SORBS2: variants seen among roughly 807,000 people sequenced by gnomAD.
The protein encoded by SORBS2 is sorbin and SH3 domain containing 2, also known as sorbin and SH3 domain-containing protein 2.
In SORBS2, 46 loss-of-function variants were observed where a neutral mutation model predicts 97.7. The ratio of observed to expected loss-of-function variants is 0.47; its 90% CI spans 0.37 to 0.60. The LOEUF is 0.60. Among genes scored for constraint, SORBS2 ranks in the 20% least tolerant of loss-of-function variants. SORBS2 has a pLI of 0.00. For missense variants in SORBS2, 1,316 were observed against 1,282.3 expected, an observed-to-expected ratio of 1.03 and a Z score of -0.40; for synonymous variants, 476 against 473.4, an observed-to-expected ratio of 1.01 and a Z score of -0.07.
chr4:185,804,368 C>T (rs1051213134), intron 1 of SORBS2, among the ~76,000 whole-genome samples: 3 of 152,172 alleles, frequency 2.0e-5, no homozygotes, highest in South Asian at 2.1e-4. Flanking sequence ...GGTAAAAACA[C>T]GTAAACAAGA....
At chr4:185,617,866 A>T (rs2096652363) in intron 9 of SORBS2, among the ~76,000 whole-genome samples, 1 of 152,192 alleles carries the variant, frequency 6.6e-6, no homozygotes, top group South Asian at 2.1e-4. Context: ...TCTTTGTACT[A>T]AGTTCTAGTC....
chr4:185,923,588 C>A (rs1474602706), intron 1 of SORBS2, among the ~76,000 whole-genome samples: 3 of 149,862 alleles, frequency 2.0e-5, no homozygotes, highest in African/African-American at 7.4e-5. Context: ...TGTGAACCAC[C>A]GTGCCTGGCC....
intron 1 of SORBS2, among the ~76,000 whole-genome samples, chr4:185,818,386 T>C (rs1041018416): frequency 2.6e-5 from 4 of 152,032 alleles, no homozygotes. Flanking sequence ...AAACGGAGTT[T>C]CACCATGTTA....
chr4:185,764,341 T>C (rs983359394), intron 2 of SORBS2, among the ~76,000 whole-genome samples: 1 of 152,224 alleles, frequency 6.6e-6, no homozygotes, highest in Non-Finnish European at 1.5e-5. Context: ...AAGCCCATTA[T>C]AAATTTTCAT....
intron 4 of SORBS2, among the ~76,000 whole-genome samples, chr4:185,664,424 C>T (rs898155208): frequency 2.6e-5 from 4 of 152,170 alleles, no homozygotes; most frequent in African/African-American, 9.7e-5. Context: ...TAGATTGATA[C>T]CCTCTCACTG....
chr4:185,658,049 T>C (rs777911323), upstream of SORBS2, among the ~76,000 whole-genome samples: 1 of 152,196 alleles, frequency 6.6e-6, no homozygotes, highest in Non-Finnish European at 1.5e-5. Context: ...CTATTATTTA[T>C]AGGTTTTGAA....
chr4:185,879,916 C>A (rs1025385060), intron 1 of SORBS2, among the ~76,000 whole-genome samples: 1 of 152,180 alleles, frequency 6.6e-6, no homozygotes, highest in African/African-American at 2.4e-5. Context: ...GGACCTTCTA[C>A]GAGAGCCACG....
chr4:185,607,017 C>T lies in SORBS2; in HGVS notation c.2796+4763G>A. 2.0e-6 allele frequency: 2 copies of T among 1,012,860 alleles called. No homozygotes were observed. The highest frequency in any genetic ancestry group is 3.9e-5 in the South Asian group (1 of 25,736). The allele number at this position is 1,012,860 out of a possible 1,614,324, so 62.7% of individuals were successfully genotyped here. A position where few individuals can be genotyped will look rare whatever the true frequency, so the allele number is the denominator to read the frequency against. ...CTGCATGGTAAGGCTGGGCTGCAGC[C>T]GAGGCCACACCCGCGTGAGTGGAAG... On this transcript the variant is annotated intron_variant, in intron 12 of 14. Coordinates refer to ENST00000418609, the Ensembl canonical transcript of SORBS2. The surrounding 1 kb of genome is among the most constrained non-coding windows in gnomAD (Gnocchi z 5.2).
chr4:185,660,317 G>C (rs1443929391), upstream of SORBS2, among the ~76,000 whole-genome samples: 1 of 152,138 alleles, frequency 6.6e-6, no homozygotes, highest in Non-Finnish European at 1.5e-5. Context: ...AGAATAATTT[G>C]TCGAGTTTTA....
At chr4:185,644,203 G>T (rs1482996051) in intron 4 of SORBS2, among the ~76,000 whole-genome samples, 1 of 152,068 alleles carries the variant, frequency 6.6e-6, no homozygotes, top group Non-Finnish European at 1.5e-5. Context: ...TTCTCCATAA[G>T]ATAGCCATTC....
intron 4 of SORBS2, among the ~76,000 whole-genome samples, chr4:185,663,716 A>G (rs896477599): frequency 6.6e-6 from 1 of 152,198 alleles, no homozygotes; most frequent in Non-Finnish European, 1.5e-5. Context: ...TAAAAGCTGA[A>G]GAATCCTTCT....
At chr4:185,647,164 T>C (rs2097221331) in intron 3 of SORBS2, among the ~76,000 whole-genome samples, 1 of 152,136 alleles carries the variant, frequency 6.6e-6, no homozygotes, top group African/African-American at 2.4e-5. Context: ...AGTGGGATCA[T>C]CGCTTGGGAA....
intron 4 of SORBS2, chr4:185,677,487 A>G: frequency 3.2e-6 from 5 of 1,551,948 alleles, no homozygotes; most frequent in Non-Finnish European, 4.4e-6. Flanking sequence ...ATTGGAATAC[A>G]TAGTTCCCTG....
At chr4:185,587,330 T>G in exon 15 of SORBS2, 1 of 241,666 alleles carries the variant, frequency 4.1e-6, no homozygotes. Flanking sequence ...TTGCCTCAAA[T>G]ATTTGACCAT....
intron 1 of SORBS2, among the ~76,000 whole-genome samples, chr4:185,884,106 T>C (rs1279226583): frequency 5.9e-5 from 9 of 152,128 alleles, no homozygotes. Context: ...TGTATCTGGA[T>C]TGTGGTGAAG....
At chr4:185,656,818 A>T (rs2097414175) in exon 1 of SORBS2, 3 of 1,391,616 alleles carry the variant, frequency 2.2e-6, no homozygotes, top group Admixed American at 3.3e-5. Context: ...TTAAAAAAAA[A>T]TCCAAACACT....
chr4:185,929,185 T>C (rs2099265225), intron 1 of SORBS2, among the ~76,000 whole-genome samples: 1 of 152,250 alleles, frequency 6.6e-6, no homozygotes, highest in Non-Finnish European at 1.5e-5. Flanking sequence ...TTGTTACCAC[T>C]GTGGGTTCCT....
At chr4:185,618,463 A>G (rs2096660921) in intron 9 of SORBS2, 122 bp downstream of exon 21, 1 of 473,100 alleles carries the variant, frequency 2.1e-6, no homozygotes, top group East Asian at 3.0e-5. Context: ...TAATTAGAGT[A>G]GATTGCTGCA....
At chr4:185,642,341 A>G (rs1333897783) in intron 4 of SORBS2, among the ~76,000 whole-genome samples, 7 of 151,406 alleles carry the variant, frequency 4.6e-5, no homozygotes, top group African/African-American at 1.7e-4. Context: ...TTAGGGTAAC[A>G]TTTTCATATA....
Sources: allele counts gnomAD v4.1 joint callset (sites outside exome capture counted in the v4.1 genomes callset), GRCh38; gene constraint gnomAD v4.1.1; non-coding constraint Gnocchi (gnomAD v3.1); transcripts MANE v1.5; gene names NCBI Gene and HGNC (gene_info 2026-07-23, HGNC 2026-07-21).